Variants in SCCPDH observed in about 807,000 individuals in gnomAD.
The protein encoded by SCCPDH is saccharopine dehydrogenase-like oxidoreductase.
SCCPDH carries 34 observed loss-of-function variants against 51.5 expected under a neutral mutation model. The ratio of observed to expected loss-of-function variants is 0.66; its 90% confidence interval spans 0.50 to 0.88. SCCPDH has a LOEUF of 0.88. Among genes scored for constraint, SCCPDH ranks in the 40% least tolerant of loss-of-function variants. SCCPDH has a pLI of 0.00. For synonymous variants in SCCPDH, 187 were observed against 191.3 expected (o/e 0.98, Z 0.19); for missense variants, 464 against 527.1 (o/e 0.88, Z 1.17).
chr1:246,761,991 C>T (rs1010569718), intron 9 of SCCPDH, among the ~76,000 whole-genome samples: 6 of 152,174 alleles, frequency 3.9e-5, no homozygotes, highest in South Asian at 2.1e-4. Context: ...GCTGCTGCAC[C>T]GTTTTACCTT....
At chr1:246,738,903 TG>T (rs1285869635) in intron 3 of SCCPDH, among the ~76,000 whole-genome samples, 1 of 152,240 alleles carries the variant, frequency 6.6e-6, no homozygotes, top group African/African-American at 2.4e-5. Context: ...AAATCTTCTT[TG>T]TGGAAGAATT....
chr1:246,744,081 T>A lies in SCCPDH; in HGVS notation c.520T>A (p.Leu174Met). The change falls in exon 5 of 12, where the codon TTG (leucine) becomes ATG (methionine). Residue 174 changes from leucine to methionine, a missense_variant. By Grantham distance (15) the Leu-to-Met change is conservative. Coordinates refer to ENST00000366510, the MANE Select transcript of SCCPDH (RefSeq NM_016002.3). ...IYTRNKMNGT[L>M]TAVESFLTIH... Reference sequence around the variant, plus strand: ...CCATTCTCCTACTCTTTTAGGTACTTTGACTGCTGTGGAAAGTTTCCTGAC... The same window carrying A: ...CCATTCTCCTACTCTTTTAGGTACTATGACTGCTGTGGAAAGTTTCCTGAC... 1 of 1,595,886 alleles carries A rather than the reference T, an allele frequency of 6.3e-7. No homozygotes were observed. Among genetic ancestry groups the A allele is most frequent in the South Asian group, 1.1e-5 (1 of 89,942 alleles).
intron 5 of SCCPDH, among the ~76,000 whole-genome samples, chr1:246,750,115 G>A (rs1323352361): frequency 6.6e-6 from 1 of 152,098 alleles, no homozygotes; most frequent in Non-Finnish European, 1.5e-5. Flanking sequence ...TCTGCTGTTC[G>A]AACCGCGGTC....
At chr1:246,732,510 C>T (rs1668506742) in intron 2 of SCCPDH, among the ~76,000 whole-genome samples, 1 of 152,060 alleles carries the variant, frequency 6.6e-6, no homozygotes, top group African/African-American at 2.4e-5. Context: ...GTCTCAGCCT[C>T]CTGAGTAGCT....
chr1:246,730,635 C>G (rs3007321), intron 2 of SCCPDH, among the ~76,000 whole-genome samples: 3 of 152,228 alleles, frequency 2.0e-5, no homozygotes, highest in African/African-American at 7.2e-5. Flanking sequence ...ATATAGTAAC[C>G]GTTAACGGAA....
At chr1:246,755,191 A>G (rs1161458498) in intron 5 of SCCPDH, among the ~76,000 whole-genome samples, 2 of 152,230 alleles carry the variant, frequency 1.3e-5, no homozygotes, top group Admixed American at 6.5e-5. Flanking sequence ...TAAAATATGA[A>G]TCCATTTTGT....
At chr1:246,754,406 A>G (rs1264438174) in intron 5 of SCCPDH, among the ~76,000 whole-genome samples, 3 of 152,240 alleles carry the variant, frequency 2.0e-5, no homozygotes, top group Non-Finnish European at 4.4e-5. Context: ...CCAAAGGAGA[A>G]TGGGAATCCC....
At chr1:246,757,770 A>G (rs1668954114) in intron 5 of SCCPDH, among the ~76,000 whole-genome samples, 1 of 152,150 alleles carries the variant, frequency 6.6e-6, no homozygotes, top group African/African-American at 2.4e-5. Flanking sequence ...GGATGGAGAG[A>G]TGGACAGTAC....
At chr1:246,747,691 G>T (rs1668782250) in intron 5 of SCCPDH, among the ~76,000 whole-genome samples, 1 of 48,492 alleles carries the variant, frequency 2.1e-5, no homozygotes, top group Non-Finnish European at 4.2e-5. Flanking sequence ...TTCCCCTTTT[G>T]GCTAGGGTTG....
intron 1 of SCCPDH, 121 bp downstream of exon 1, chr1:246,724,733 CAAG>C: frequency 1.2e-6 from 1 of 864,758 alleles, no homozygotes; most frequent in Non-Finnish European, 1.7e-6. Context: ...TGCGTGAGGA[CAAG>C]AAGAGGAGAG....
chr1:246,724,811 G>A (rs1197430500), intron 1 of SCCPDH, among the ~76,000 whole-genome samples, 199 bp downstream of exon 1: 2 of 152,212 alleles, frequency 1.3e-5, no homozygotes, highest in South Asian at 2.1e-4. Context: ...GTGTGTGCGC[G>A]TGCGTGTATA....
At chr1:246,739,362 C>T (rs1668645199) in intron 3 of SCCPDH, among the ~76,000 whole-genome samples, 1 of 152,140 alleles carries the variant, frequency 6.6e-6, no homozygotes, top group African/African-American at 2.4e-5. Flanking sequence ...AGACAAATTC[C>T]AGTAGAGGGG....
chr1:246,761,528 ACT>A (rs1669013471), intron 9 of SCCPDH, among the ~76,000 whole-genome samples: 1 of 151,730 alleles, frequency 6.6e-6, no homozygotes, highest in South Asian at 2.1e-4. Flanking sequence ...CACAACTGAA[ACT>A]CTACACCCGT....
At chr1:246,746,107 CAAA>C (rs756929255) in intron 5 of SCCPDH, among the ~76,000 whole-genome samples, 5 of 79,564 alleles carry the variant, frequency 6.3e-5, no homozygotes, top group Non-Finnish European at 8.9e-5. Flanking sequence ...GACTCCATCT[CAAA>C]AAAAAAAAAA....
chr1:246,727,390 A>G (rs763465404), intron 2 of SCCPDH, among the ~76,000 whole-genome samples: 1 of 152,250 alleles, frequency 6.6e-6, no homozygotes, highest in African/African-American at 2.4e-5. Flanking sequence ...CACAAAAAGA[A>G]GACTAAAAAA....
intron 4 of SCCPDH, among the ~76,000 whole-genome samples, chr1:246,743,542 C>T (rs1357144873): frequency 1.3e-5 from 2 of 151,388 alleles, no homozygotes; most frequent in East Asian, 3.9e-4. Flanking sequence ...GAGATCACGC[C>T]ACTGCACTGC....
At chr1:246,729,921 G>A (rs147872540) in intron 2 of SCCPDH, among the ~76,000 whole-genome samples, 3 of 152,018 alleles carry the variant, frequency 2.0e-5, no homozygotes, top group Admixed American at 1.3e-4. Flanking sequence ...CCCTCTGTTC[G>A]GGGTCCCTGA....
intron 5 of SCCPDH, chr1:246,755,978 C>T (rs1053962955): frequency 4.6e-5 from 7 of 152,138 alleles, no homozygotes; most frequent in Non-Finnish European, 7.4e-5. Flanking sequence ...TTTTGCACCC[C>T]GTACCAAAAT....
intron 2 of SCCPDH, among the ~76,000 whole-genome samples, chr1:246,734,800 A>G (rs1224713036): frequency 6.6e-6 from 1 of 152,266 alleles, no homozygotes; most frequent in Non-Finnish European, 1.5e-5. Context: ...TTCACAAAGG[A>G]AAAGATTTGT....
Sources: gnomAD v4.1 joint callset for allele counts (sites outside exome capture counted in the v4.1 genomes callset) on GRCh38, gnomAD v4.1.1 for gene constraint, MANE v1.5 for transcripts, NCBI Gene and HGNC (gene_info 2026-07-23, HGNC 2026-07-21) for gene names.